The following CCDC3 variants were observed in gnomAD, a reference collection of about 807,000 sequenced individuals.
The protein encoded by CCDC3 is coiled-coil domain containing 3, also known as coiled-coil domain-containing protein 3.
In CCDC3, 24 loss-of-function variants were observed where a neutral mutation model predicts 21.4. The observed-to-expected ratio is 1.12, with a 90% CI of 0.81 to 1.58. The LOEUF is 1.58. Among genes scored for constraint, CCDC3 ranks in the 40% most tolerant of loss-of-function variants. The probability of loss-of-function intolerance (pLI) is 0.00; values close to 1 mark genes in which losing one functional copy is unlikely to be tolerated. For missense variants in CCDC3, 425 were observed against 360.9 expected (o/e 1.18, Z -1.44); for synonymous variants, 186 against 166.0 (o/e 1.12, Z -0.93).
intron 2 of CCDC3, among the ~76,000 whole-genome samples, chr10:12,978,582 G>C (rs1353500564): frequency 6.6e-6 from 1 of 152,120 alleles, no homozygotes; most frequent in African/African-American, 2.4e-5. Context: ...GATAAGGCCA[G>C]AGAAAGCAGA....
chr10:13,099,312 G>T, intron 1 of CCDC3: 1 of 152,374 alleles, frequency 6.6e-6, no homozygotes. Context: ...CCTTTTTCCT[G>T]TTTCAGATTA....
chr10:13,065,771 T>C (rs1718768353), intron 4 of CCDC3, among the ~76,000 whole-genome samples: 1 of 152,190 alleles, frequency 6.6e-6, no homozygotes, highest in Non-Finnish European at 1.5e-5. Context: ...ATTCAATACT[T>C]ACCAGTTGAT....
At chr10:12,926,078 G>A (rs1308851385) in intron 2 of CCDC3, among the ~76,000 whole-genome samples, 5 of 152,228 alleles carry the variant, frequency 3.3e-5, no homozygotes, top group East Asian at 3.9e-4. Flanking sequence ...TGGCAGGAGC[G>A]CAGGACAGTG....
At chr10:12,942,920 G>C (rs992679352) in intron 2 of CCDC3, among the ~76,000 whole-genome samples, 1 of 152,098 alleles carries the variant, frequency 6.6e-6, no homozygotes, top group Non-Finnish European at 1.5e-5. Context: ...GTGAGGCAAA[G>C]AACGTGGGGT....
chr10:12,971,873 G>A (rs1251066922), intron 2 of CCDC3, among the ~76,000 whole-genome samples: 1 of 151,924 alleles, frequency 6.6e-6, no homozygotes, highest in Non-Finnish European at 1.5e-5. Context: ...ATTTTTAGTA[G>A]AGACAGGGTT....
intron 2 of CCDC3, among the ~76,000 whole-genome samples, chr10:12,984,070 A>T (rs1835548646): frequency 6.6e-6 from 1 of 152,114 alleles, no homozygotes. Flanking sequence ...ACAGAGCAAG[A>T]CTCTCTCAAA....
chr10:12,932,511 T>A (rs1472167750), intron 2 of CCDC3, among the ~76,000 whole-genome samples: 3 of 152,240 alleles, frequency 2.0e-5, no homozygotes, highest in African/African-American at 7.2e-5. Flanking sequence ...CTTTTGTCTG[T>A]TACCTGTGTA....
intron 2 of CCDC3, among the ~76,000 whole-genome samples, chr10:12,942,631 C>A (rs544456347): frequency 6.6e-6 from 1 of 152,162 alleles, no homozygotes; most frequent in African/African-American, 2.4e-5. Flanking sequence ...AGGTAGAGAC[C>A]CCATCTGCAT....
chr10:12,986,457 A>G (rs780897351), intron 2 of CCDC3, among the ~76,000 whole-genome samples: 10 of 152,190 alleles, frequency 6.6e-5, no homozygotes, highest in Non-Finnish European at 1.0e-4. Flanking sequence ...GATTATTCCA[A>G]AATAAAATGA....
intron 3 of CCDC3, among the ~76,000 whole-genome samples, chr10:13,084,639 T>C (rs1311008450): frequency 1.3e-5 from 2 of 152,228 alleles, no homozygotes; most frequent in African/African-American, 4.8e-5. Context: ...GGACTCACCC[T>C]GAATTCTTTC....
chr10:12,997,549 T>C (rs1215326017), intron 2 of CCDC3, among the ~76,000 whole-genome samples: 1 of 152,194 alleles, frequency 6.6e-6, no homozygotes, highest in East Asian at 1.9e-4. Context: ...TGCAACCACC[T>C]TGGCCATCCT....
chr10:13,035,033 T>A (rs28592699), intron 5 of CCDC3, among the ~76,000 whole-genome samples: 14 of 139,626 alleles, frequency 1.0e-4, no homozygotes, highest in South Asian at 2.3e-4. Context: ...CTCAAAAAAT[T>A]AAAAAAAAAA....
intron 5 of CCDC3, among the ~76,000 whole-genome samples, chr10:13,040,383 C>G (rs1046870779): frequency 6.6e-6 from 1 of 152,136 alleles, no homozygotes; most frequent in African/African-American, 2.4e-5. Context: ...GGAGGTTGAA[C>G]AACCAGCAAC....
chr10:12,904,479 A>AAAAAAAAAAC (rs1834142005), intron 2 of CCDC3, among the ~76,000 whole-genome samples: 2 of 147,056 alleles, frequency 1.4e-5, no homozygotes, highest in African/African-American at 2.5e-5. Flanking sequence ...AAAAAAAAAA[A>AAAAAAAAAAC]AAAAAAAAAA....
chr10:13,006,405 G>A (rs189046023), upstream of CCDC3, among the ~76,000 whole-genome samples: 2 of 152,304 alleles, frequency 1.3e-5, no homozygotes, highest in African/African-American at 4.8e-5. Context: ...TAAGTTCATA[G>A]TAGTCTTCAG....
chr10:12,907,569 G>A (rs540007498), intron 2 of CCDC3, among the ~76,000 whole-genome samples: 5 of 152,218 alleles, frequency 3.3e-5, no homozygotes, highest in South Asian at 4.2e-4. Flanking sequence ...CGCTTGACCC[G>A]AGAGGAGGAG....
chr10:12,974,556 T>G (rs1377063404), intron 2 of CCDC3, among the ~76,000 whole-genome samples: 1 of 152,222 alleles, frequency 6.6e-6, no homozygotes, highest in Admixed American at 6.5e-5. Flanking sequence ...CTTTCAGCCT[T>G]CTGAAGGCAG....
chr10:12,989,387 G>C (rs1246772769), intron 2 of CCDC3, among the ~76,000 whole-genome samples: 1 of 152,184 alleles, frequency 6.6e-6, no homozygotes, highest in Non-Finnish European at 1.5e-5. Flanking sequence ...GGGGGCCCCA[G>C]GACCCATTCA....
At chr10:13,022,801 TTCA>T (rs1245551364) in intron 5 of CCDC3, among the ~76,000 whole-genome samples, 59 of 152,320 alleles carry the variant, frequency 3.9e-4, no homozygotes, top group African/African-American at 1.4e-3. Context: ...AGATAATAAA[TTCA>T]AGTAGAGTGG....
Sources: gnomAD v4.1 joint callset for allele counts (sites outside exome capture counted in the v4.1 genomes callset) on GRCh38, gnomAD v4.1.1 for gene constraint, MANE v1.5 for transcripts, NCBI Gene and HGNC (gene_info 2026-07-23, HGNC 2026-07-21) for gene names.